Variants in ANKRD36 observed in about 807,000 individuals in gnomAD.
ANKRD36 encodes the protein ankyrin repeat domain-containing protein 36A.
ANKRD36 carries 179 observed loss-of-function variants against 278.1 expected under a neutral mutation model. The observed-to-expected ratio is 0.64, with a 90% CI of 0.57 to 0.73. The LOEUF is 0.73. Among genes scored for constraint, ANKRD36 ranks in the 30% least tolerant of loss-of-function variants. The pLI, the probability that ANKRD36 is intolerant of heterozygous loss-of-function variation, is 0.00. For missense variants in ANKRD36, 1,159 were observed against 1,956.7 expected (o/e 0.59, Z 7.69); for synonymous variants, 320 against 641.1 (o/e 0.50, Z 7.57).
At chr2:97,228,721 G>A (rs2070819161) in intron 67 of ANKRD36, among the ~76,000 whole-genome samples, 1 of 151,290 alleles carries the variant, frequency 6.6e-6, no homozygotes, top group Non-Finnish European at 1.5e-5. Context: ...TCTTTTAATT[G>A]TGATGTTAGG....
chr2:97,221,702 T>C (rs370284936), intron 66 of ANKRD36, among the ~76,000 whole-genome samples: 1 of 150,806 alleles, frequency 6.6e-6, no homozygotes. Context: ...GAGTAGGTTG[T>C]GAAAATTTTC....
At chr2:97,116,424 C>T (rs1025088006) in intron 1 of ANKRD36, among the ~76,000 whole-genome samples, 6 of 151,874 alleles carry the variant, frequency 4.0e-5, no homozygotes, top group African/African-American at 1.5e-4. Context: ...CAGGTGTGCG[C>T]CTCCATGCCC....
intron 4 of ANKRD36, among the ~76,000 whole-genome samples, chr2:97,123,199 C>T (rs1255961182): frequency 6.6e-6 from 1 of 151,486 alleles, no homozygotes; most frequent in Non-Finnish European, 1.5e-5. Context: ...TAGCAGGATT[C>T]GTCTCTCTCT....
Position 97,154,706 on chromosome 2 carries a change from C to G in ANKRD36, c.1225C>G (p.Pro409Ala), listed in dbSNP as rs943941192. ...CTACCTACTGGACCGTTTTGCACAGCCTGTGACAAAGGATAAGTTTGCTTT... is the reference window on the plus strand; with the variant it reads ...CTACCTACTGGACCGTTTTGCACAGGCTGTGACAAAGGATAAGTTTGCTTT... ...CLYLLDRFAQ[P>A]VTKDKFALES... is the part of the protein sequence containing the mutation. The change falls in exon 15 of 76, where the codon CCT (proline) becomes GCT (alanine). Residue 409 changes from proline to alanine, a missense_variant. Coordinates refer to ENST00000420699, the MANE Select transcript of ANKRD36 (RefSeq NM_001354587.1). 3.4e-5 allele frequency: 50 copies of G among 1,487,916 alleles called. 7 individuals are homozygous for G. The highest frequency in any genetic ancestry group is 4.4e-5 in the Non-Finnish European group (49 of 1,106,798). The allele number at this position is 1,487,916 out of a possible 1,614,324, so 92.2% of individuals were successfully genotyped here. A position where few individuals can be genotyped will look rare whatever the true frequency, so the allele number is the denominator to read the frequency against.
Position 97,204,308 on chromosome 2 carries a change from T to C in ANKRD36, c.3061+45T>C. The C allele has an allele frequency of 2.6e-6, 4 of 1,520,920 alleles. 1 individual carries two copies. The highest frequency in any genetic ancestry group is 4.7e-4 in the Middle Eastern group (2 of 4,236). 94.2% of individuals were successfully genotyped at this position (1,520,920 alleles called of 1,614,324 possible). A position where few individuals can be genotyped will look rare whatever the true frequency, so the allele number is the denominator to read the frequency against. The stretch of plus-strand genomic sequence containing the variant: ...TAATGTCATGTTCAGTGCAGATAGA[T>C]AAGAAGTTCTCTTCCCTGAATAAAT... On this transcript the variant is annotated intron_variant, in intron 50 of 75. Coordinates refer to ENST00000420699, the MANE Select transcript of ANKRD36 (RefSeq NM_001354587.1).
chr2:97,211,800 C>CT, intron 58 of ANKRD36, 59 bp downstream of exon 58: 1 of 1,508,216 alleles, frequency 6.6e-7, no homozygotes, highest in Non-Finnish European at 9.0e-7. Context: ...AACTTCTCTT[C>CT]ACCAAATAAA....
chr2:97,194,860 A>G lies in ANKRD36; in HGVS notation c.2494A>G (p.Lys832Glu). The G allele has an allele frequency of 6.3e-7, 1 of 1,584,910 alleles. No individual in the cohort carries two copies. The highest frequency in any genetic ancestry group is 8.5e-7 in the Non-Finnish European group (1 of 1,170,622). ...KPALKATSDE[K>E]DSFSNITRGK... is the part of the protein sequence containing the mutation. Reference sequence around the variant, plus strand: ...TTCCACTCAGGCTACAAGTGATGAGAAGGATTCTTTTTCGAATATAACCAG... The same window carrying G: ...TTCCACTCAGGCTACAAGTGATGAGGAGGATTCTTTTTCGAATATAACCAG... Residue 832 changes from lysine (K) to glutamate (E), a missense_variant, in exon 40 of 76, where the codon AAG becomes GAG. Physicochemically the swap from Lys to Glu is moderately conservative, Grantham distance 56 (BLOSUM62 1). Coordinates refer to ENST00000420699, the MANE Select transcript of ANKRD36 (RefSeq NM_001354587.1).
chr2:97,158,638 G>A lies in ANKRD36; in HGVS notation c.1372G>A (p.Asp458Asn). Residue 458 changes from aspartate to asparagine, a missense_variant, in exon 17 of 76, where the codon GAC (aspartate) becomes AAC (asparagine). Physicochemically the swap from Asp to Asn is conservative, Grantham distance 23. Transcript: ENST00000420699. Reference sequence around the variant, plus strand: ...AACAGAAAATGGAAACATGTTTGAAGACCAAAATGTTGATAAGGTAAATGA... The same window carrying A: ...AACAGAAAATGGAAACATGTTTGAAAACCAAAATGTTGATAAGGTAAATGA... ...DKTENGNMFEDQNVDKEGKAL... is the reference protein window; with the variant it reads ...DKTENGNMFENQNVDKEGKAL... The A allele has an allele frequency of 6.5e-7, 1 of 1,536,442 alleles. No individual in the cohort carries two copies. The highest frequency in any genetic ancestry group is 1.4e-5 in the African/African-American group (1 of 73,156).
intron 11 of ANKRD36, among the ~76,000 whole-genome samples, chr2:97,146,828 G>A (rs2044382914): frequency 6.6e-6 from 1 of 151,610 alleles, no homozygotes; most frequent in African/African-American, 2.4e-5. Context: ...AAGCATAGAT[G>A]GATACAGACC....
intron 5 of ANKRD36, among the ~76,000 whole-genome samples, chr2:97,125,379 G>A (rs2038300437): frequency 1.6e-5 from 2 of 127,328 alleles, no homozygotes; most frequent in South Asian, 2.9e-4. Flanking sequence ...CACACATACG[G>A]AGCAAATTGA....
chr2:97,177,063 A>C (rs1263007671), intron 22 of ANKRD36, among the ~76,000 whole-genome samples: 1 of 151,678 alleles, frequency 6.6e-6, no homozygotes, highest in East Asian at 1.9e-4. Flanking sequence ...ATCATGAGTG[A>C]ACTCCCATTC....
chr2:97,131,668 A>T (rs1017636843), intron 6 of ANKRD36, among the ~76,000 whole-genome samples: 19 of 152,008 alleles, frequency 1.2e-4, no homozygotes, highest in African/African-American at 4.6e-4. Flanking sequence ...TTTTAGTTTT[A>T]ATAGATATTT....
At chr2:97,227,962 A>G (rs1412275649) in intron 67 of ANKRD36, among the ~76,000 whole-genome samples, 2 of 152,144 alleles carry the variant, frequency 1.3e-5, no homozygotes, top group Non-Finnish European at 2.9e-5. Context: ...ATATTGAACC[A>G]GCCTTGCATC....
intron 6 of ANKRD36, among the ~76,000 whole-genome samples, chr2:97,138,619 T>G (rs1273158076): frequency 6.6e-6 from 1 of 151,850 alleles, no homozygotes; most frequent in African/African-American, 2.4e-5. Context: ...AAAGAGCCCA[T>G]ATAGCCAAGA....
At chr2:97,249,248 GTATT>G in intron 73 of ANKRD36, 34 bp downstream of exon 73, 1 of 167,282 alleles carries the variant, frequency 6.0e-6, no homozygotes, top group East Asian at 1.4e-4. Flanking sequence ...AATAACTTGA[GTATT>G]TATAAAGCAA....
chr2:97,197,653 C>T (rs1324225796), intron 42 of ANKRD36, among the ~76,000 whole-genome samples: 1 of 151,914 alleles, frequency 6.6e-6, no homozygotes, highest in Non-Finnish European at 1.5e-5. Context: ...GTAATTAACT[C>T]CTAAACTGGT....
rs2153575788 is a variant in ANKRD36, at chr2:97,194,899, G to A, written c.2533G>A (p.Gly845Arg). 6.4e-7 allele frequency: 1 copy of A among 1,558,256 alleles called. No homozygotes were observed. Among genetic ancestry groups the A allele is most frequent in the East Asian group, 2.4e-5 (1 of 41,802 alleles). Residue 845 changes from glycine (G) to arginine (R), a missense_variant, in exon 40 of 76, where the codon GGA (glycine) becomes AGA (arginine). Physicochemically the swap from Gly to Arg is moderately radical, Grantham distance 125. Transcript: ENST00000420699. ...FSNITRGKKD[G>R]EISRKVSSQK... ...GAATATAACCAGAGGAAAAAAGGAT[G>A]GAGAAATATCTAGGAAAGGTAATTT...
chr2:97,123,639 T>C (rs1193115248), intron 4 of ANKRD36, among the ~76,000 whole-genome samples: 4 of 91,742 alleles, frequency 4.4e-5, no homozygotes, highest in African/African-American at 1.3e-4. Context: ...ATATATATAA[T>C]GTTAGAATGT....
chr2:97,141,228 C>CACACACAT (rs754117026), intron 6 of ANKRD36, among the ~76,000 whole-genome samples: 1 of 148,272 alleles, frequency 6.7e-6, no homozygotes, highest in East Asian at 2.0e-4. Flanking sequence ...GCAATCATGA[C>CACACACAT]ATATATATAT....
Sources: allele counts gnomAD v4.1 joint callset (sites outside exome capture counted in the v4.1 genomes callset), GRCh38; gene constraint gnomAD v4.1.1; transcripts MANE v1.5; gene names NCBI Gene and HGNC (gene_info 2026-07-23, HGNC 2026-07-21).